The following GLYATL2 variants were observed in gnomAD, a reference collection of about 807,000 sequenced individuals.
GLYATL2 encodes glycine N-acyltransferase-like protein 2.
GLYATL2 carries 25 observed loss-of-function variants against 21.4 expected under a neutral mutation model. The observed-to-expected ratio is 1.17, with a 90% CI of 0.85 to 1.63. The LOEUF is 1.63. Ranked by LOEUF, GLYATL2 falls within the 40% of genes most tolerant of loss-of-function variation. The probability of loss-of-function intolerance (pLI) is 0.00; values close to 1 mark genes in which losing one functional copy is unlikely to be tolerated. For synonymous variants in GLYATL2, 114 were observed against 118.2 expected, an observed-to-expected ratio of 0.96 and a Z score of 0.23; for missense variants, 361 against 343.3, an observed-to-expected ratio of 1.05 and a Z score of -0.41.
At chr11:58,886,380 C>T (rs1565106141) in intron 1 of GLYATL2, among the ~76,000 whole-genome samples, 1 of 152,196 alleles carries the variant, frequency 6.6e-6, no homozygotes, top group Non-Finnish European at 1.5e-5. Context: ...GGAAATGACA[C>T]TGAGAAATAT....
intron 1 of GLYATL2, chr11:58,885,000 C>T (rs1246195468): frequency 1.0e-4 from 16 of 155,608 alleles, no homozygotes; most frequent in South Asian, 5.5e-4. Context: ...AATCCCTGGC[C>T]GTGAGCATTC....
Position 58,838,277 on chromosome 11 carries a change from G to T in GLYATL2, c.170C>A (p.Thr57Asn). 6.2e-7 allele frequency: 1 copy of T among 1,611,470 alleles called. No individual in the cohort carries two copies. The highest frequency in any genetic ancestry group is 2.2e-5 in the East Asian group (1 of 44,860). Residue 57 changes from threonine to asparagine, a missense_variant, in exon 3 of 6, where the codon ACC becomes AAC. By Grantham distance (65) the Thr-to-Asn change is moderately conservative. Transcript: ENST00000287275. ...TGCTCCTACCTGTTTCTGAGGCCGG[G>T]TAATGACGATCTGGTAATCTGGCCA... is the stretch of plus-strand genomic sequence containing the variant. The part of the protein sequence containing the change: ...DAWPDYQIVI[T>N]RPQKQEMKDD...
At chr11:58,852,439 C>G (rs1040967906) in intron 1 of GLYATL2, among the ~76,000 whole-genome samples, 4 of 152,230 alleles carry the variant, frequency 2.6e-5, no homozygotes, top group Non-Finnish European at 4.4e-5. Context: ...CAATGACCTA[C>G]ATTTATTGAG....
upstream of GLYATL2, among the ~76,000 whole-genome samples, chr11:58,848,497 A>G (rs1726905829): frequency 6.6e-6 from 1 of 152,232 alleles, no homozygotes; most frequent in Non-Finnish European, 1.5e-5. Flanking sequence ...TACATTTAAC[A>G]GACAGATTGA....
At chr11:58,848,285 T>G (rs1413747747), upstream of GLYATL2, among the ~76,000 whole-genome samples, 3 of 152,046 alleles carry the variant, frequency 2.0e-5, no homozygotes, top group African/African-American at 7.2e-5. Context: ...TCTTCAGTGC[T>G]CAGACACTGA....
intron 1 of GLYATL2, among the ~76,000 whole-genome samples, chr11:58,851,858 G>A (rs1853747287): frequency 6.6e-6 from 1 of 152,178 alleles, no homozygotes; most frequent in African/African-American, 2.4e-5. Context: ...CTGTTAGTGG[G>A]ATACACACAA....
At chr11:58,870,122 G>A (rs1854091854) in intron 1 of GLYATL2, among the ~76,000 whole-genome samples, 1 of 152,050 alleles carries the variant, frequency 6.6e-6, no homozygotes, top group African/African-American at 2.4e-5. Flanking sequence ...AAAATTACAG[G>A]CAGAGAATGA....
At chr11:58,860,215 T>C (rs1439087436) in intron 1 of GLYATL2, among the ~76,000 whole-genome samples, 1 of 152,148 alleles carries the variant, frequency 6.6e-6, no homozygotes, top group Admixed American at 6.5e-5. Flanking sequence ...ATTATTGTCA[T>C]TTTGACAGTA....
intron 1 of GLYATL2, among the ~76,000 whole-genome samples, chr11:58,863,850 T>C (rs778615543): frequency 6.6e-6 from 1 of 152,156 alleles, no homozygotes; most frequent in Non-Finnish European, 1.5e-5. Flanking sequence ...ACTAGCCCAA[T>C]ACTGGAGTCA....
chr11:58,847,372 G>T (rs2134583638), upstream of GLYATL2, among the ~76,000 whole-genome samples: 1 of 152,314 alleles, frequency 6.6e-6, no homozygotes, highest in Non-Finnish European at 1.5e-5. Context: ...GCCACAGCAT[G>T]GTAGAGCAGC....
chr11:58,858,307 T>A (rs150734394), intron 1 of GLYATL2, among the ~76,000 whole-genome samples: 3 of 152,326 alleles, frequency 2.0e-5, no homozygotes, highest in African/African-American at 7.2e-5. Flanking sequence ...GTGTTTATTC[T>A]TAGGGAACCC....
chr11:58,840,921 T>C (rs1853538750), intron 1 of GLYATL2: 1 of 150,844 alleles, frequency 6.6e-6, no homozygotes, highest in African/African-American at 2.4e-5. Context: ...CATAGGTGAA[T>C]GGTTATCTGT....
chr11:58,888,548 G>C (rs1854482909), intron 1 of GLYATL2, among the ~76,000 whole-genome samples: 1 of 151,674 alleles, frequency 6.6e-6, no homozygotes, highest in Non-Finnish European at 1.5e-5. Flanking sequence ...AATTACATTA[G>C]TACTATTTAT....
intron 1 of GLYATL2, among the ~76,000 whole-genome samples, chr11:58,869,896 T>C (rs1459944767): frequency 6.6e-6 from 1 of 152,014 alleles, no homozygotes; most frequent in African/African-American, 2.4e-5. Flanking sequence ...TAACCAGGAG[T>C]TTGAGACCAG....
At chr11:58,906,373 C>CT (rs1035441417), upstream of GLYATL2, among the ~76,000 whole-genome samples, 8 of 152,138 alleles carry the variant, frequency 5.3e-5, no homozygotes, top group African/African-American at 1.9e-4. Context: ...CCCTGGTGCC[C>CT]TTTGCACCCA....
chr11:58,838,515 T>C (rs547075790), intron 2 of GLYATL2, 147 bp from the exon 3 acceptor site: 18 of 519,834 alleles, frequency 3.5e-5, no homozygotes, highest in African/African-American at 2.3e-4. Flanking sequence ...GGATGGCTCA[T>C]TGGGCTACTC....
intron 1 of GLYATL2, among the ~76,000 whole-genome samples, chr11:58,842,383 C>A (rs1853568851): frequency 6.6e-6 from 1 of 151,900 alleles, no homozygotes. Context: ...AACATCAATT[C>A]CTGGCTGGAC....
chr11:58,864,016 G>A (rs1853979954), intron 1 of GLYATL2, among the ~76,000 whole-genome samples: 1 of 152,142 alleles, frequency 6.6e-6, no homozygotes, highest in Non-Finnish European at 1.5e-5. Flanking sequence ...TAAGGCTAGG[G>A]CTGCCAACCT....
intron 1 of GLYATL2, among the ~76,000 whole-genome samples, chr11:58,903,862 C>A (rs1854788040): frequency 6.6e-6 from 1 of 152,120 alleles, no homozygotes; most frequent in Non-Finnish European, 1.5e-5. Context: ...TGAGTGTCCA[C>A]TTCTCTCCTT....
Sources: allele counts gnomAD v4.1 joint callset (sites outside exome capture counted in the v4.1 genomes callset), GRCh38; gene constraint gnomAD v4.1.1; transcripts MANE v1.5; gene names NCBI Gene and HGNC (gene_info 2026-07-23, HGNC 2026-07-21).